MTUS2: variants seen among roughly 807,000 people sequenced by gnomAD.
MTUS2 encodes the protein microtubule associated scaffold protein 2.
A neutral mutation model predicts 114.1 loss-of-function variants in MTUS2; 40 were observed. The observed-to-expected ratio is 0.35, with a 90% CI of 0.27 to 0.46. MTUS2 has a LOEUF of 0.46. MTUS2 is among the 20% of genes least tolerant of loss of function. The pLI is 1.00. For synonymous variants in MTUS2, 688 were observed against 672.0 expected (o/e 1.02, Z -0.37); for missense variants, 1,679 against 1,705.4 (o/e 0.98, Z 0.27).
intron 1 of MTUS2, among the ~76,000 whole-genome samples, chr13:28,832,363 G>A (rs932517719): frequency 6.6e-6 from 1 of 152,036 alleles, no homozygotes; most frequent in South Asian, 2.1e-4. Context: ...AGAATAGAGG[G>A]AAATTTCAGA....
intron 5 of MTUS2, among the ~76,000 whole-genome samples, chr13:29,195,729 G>T (rs1170275265): frequency 1.3e-5 from 2 of 152,048 alleles, no homozygotes; most frequent in Non-Finnish European, 2.9e-5. Flanking sequence ...CTGAGGCCAG[G>T]GTTGTTGTTA....
rs553233022 is a variant in MTUS2, at chr13:28,961,445, A to AT, written c.-242-63012_-242-63011insT. ...AGAATGACATTGGATTTCTCATCAG[A>AT]AAGTGTGGAGAGCAGAGCAAAGTGA... On this transcript the variant is annotated intron_variant, in intron 2 of 15. Transcript: ENST00000612955. 2.7e-3 allele frequency among the ~76,000 whole-genome samples: 405 copies of AT among 152,294 alleles called. 2 individuals are homozygous for AT. The highest frequency in any genetic ancestry group is 0.01 in the Middle Eastern group (3 of 294).
intron 2 of MTUS2, among the ~76,000 whole-genome samples, chr13:28,903,378 G>A (rs1879766099): frequency 6.7e-6 from 1 of 149,738 alleles, no homozygotes; most frequent in Admixed American, 6.7e-5. Flanking sequence ...TCATCATTTA[G>A]CATTAGGTAT....
At chr13:29,013,719 C>T (rs1335602400) in intron 2 of MTUS2, among the ~76,000 whole-genome samples, 1 of 152,200 alleles carries the variant, frequency 6.6e-6, no homozygotes, top group Non-Finnish European at 1.5e-5. Context: ...TGATACAGAC[C>T]TTCCATGTGT....
intron 8 of MTUS2, among the ~76,000 whole-genome samples, chr13:29,373,384 A>T (rs1026784700): frequency 6.6e-6 from 1 of 152,206 alleles, no homozygotes; most frequent in Admixed American, 6.5e-5. Context: ...AGAGCAGGGT[A>T]ACTAAAGGCC....
At chr13:29,143,399 CACAGA>C (rs1566030362) in intron 5 of MTUS2, among the ~76,000 whole-genome samples, 4 of 152,138 alleles carry the variant, frequency 2.6e-5, no homozygotes, top group Non-Finnish European at 4.4e-5. Context: ...ATACATTGTT[CACAGA>C]ACAAATAAAA....
Position 28,877,024 on chromosome 13 carries a change from G to A in MTUS2, c.-243+37174G>A, listed in dbSNP as rs1441976168. Among the ~76,000 whole-genome samples, 10 of 151,834 alleles carry A rather than the reference G, an allele frequency of 6.6e-5. No homozygotes were observed. In the East Asian group the frequency reaches 1.9e-3, roughly 29 times the overall value. ...ATACTTATTTAAGGCTGGGTATGGT[G>A]GCTCACTCCTGTAATCCCAGGATTT... On this transcript the variant is annotated intron_variant, in intron 2 of 15. Coordinates refer to ENST00000612955, the MANE Select transcript of MTUS2 (RefSeq NM_001033602.4).
At chr13:29,285,956 C>G (rs1898463780) in intron 6 of MTUS2, among the ~76,000 whole-genome samples, 1 of 152,194 alleles carries the variant, frequency 6.6e-6, no homozygotes, top group South Asian at 2.1e-4. Context: ...AGACAAGTCT[C>G]TCTCTTTTGC....
At chr13:29,036,844 T>TTTC (rs1887100407) in intron 4 of MTUS2, among the ~76,000 whole-genome samples, 1 of 151,828 alleles carries the variant, frequency 6.6e-6, no homozygotes, top group Non-Finnish European at 1.5e-5. Flanking sequence ...GTCTTTTTTT[T>TTTC]TGGTTTCCAT....
intron 9 of MTUS2, among the ~76,000 whole-genome samples, chr13:29,458,468 C>T (rs997330012): frequency 2.6e-5 from 4 of 152,136 alleles, no homozygotes; most frequent in Non-Finnish European, 5.9e-5. Context: ...GGTGAGAAAA[C>T]ATGCATGCCA....
At chr13:29,456,890 C>G (rs1879143495) in intron 9 of MTUS2, among the ~76,000 whole-genome samples, 1 of 152,180 alleles carries the variant, frequency 6.6e-6, no homozygotes. Flanking sequence ...GTAATCCCAG[C>G]ACTTTGGGAG....
intron 2 of MTUS2, among the ~76,000 whole-genome samples, chr13:29,002,595 G>A (rs1482756093): frequency 6.6e-6 from 1 of 152,178 alleles, no homozygotes; most frequent in Non-Finnish European, 1.5e-5. Flanking sequence ...AAAGTGAGAT[G>A]CAAGGGCTTT....
intron 4 of MTUS2, among the ~76,000 whole-genome samples, chr13:29,040,651 A>G (rs966979711): frequency 1.3e-5 from 2 of 152,172 alleles, no homozygotes; most frequent in Non-Finnish European, 2.9e-5. Context: ...TGATTATGGC[A>G]TTCTTGCAGG....
chr13:29,444,819 G>A (rs61139396), intron 9 of MTUS2, among the ~76,000 whole-genome samples: 16,675 of 152,232 alleles, frequency 0.11, 1,464 homozygotes, highest in African/African-American at 0.25. Flanking sequence ...AATTGTACCT[G>A]TTTGGAAATT....
At chr13:29,387,687 G>A (rs1285777679) in intron 8 of MTUS2, among the ~76,000 whole-genome samples, 3 of 152,104 alleles carry the variant, frequency 2.0e-5, no homozygotes, top group Admixed American at 6.5e-5. Context: ...TAGGAGACAC[G>A]TGTGTGGGAA....
At chr13:29,145,415 C>A (rs1306382825) in intron 5 of MTUS2, among the ~76,000 whole-genome samples, 2 of 151,944 alleles carry the variant, frequency 1.3e-5, no homozygotes, top group Admixed American at 1.3e-4. Context: ...AGCTACCGGG[C>A]AGGTTGAGGC....
At chr13:29,082,642 CA>C (rs1446683696) in intron 4 of MTUS2, among the ~76,000 whole-genome samples, 2 of 152,134 alleles carry the variant, frequency 1.3e-5, no homozygotes, top group Non-Finnish European at 2.9e-5. Context: ...AAAGAGGCCT[CA>C]ATAGCTATGC....
intron 8 of MTUS2, among the ~76,000 whole-genome samples, chr13:29,403,335 CT>C (rs1397737543): frequency 6.6e-6 from 1 of 152,194 alleles, no homozygotes; most frequent in Non-Finnish European, 1.5e-5. Flanking sequence ...CTCCAGGCCC[CT>C]GTCCACCCTG....
chr13:28,957,659 G>C (rs1883134557), intron 2 of MTUS2, among the ~76,000 whole-genome samples: 1 of 151,566 alleles, frequency 6.6e-6, no homozygotes, highest in African/African-American at 2.4e-5. Context: ...TCAGACACTT[G>C]AGCACCCACA....
Sources: gnomAD v4.1 joint callset for allele counts (sites outside exome capture counted in the v4.1 genomes callset) on GRCh38, gnomAD v4.1.1 for gene constraint, MANE v1.5 for transcripts, NCBI Gene and HGNC (gene_info 2026-07-23, HGNC 2026-07-21) for gene names.